FAM114A2: variants seen among roughly 807,000 people sequenced by gnomAD.
The protein encoded by FAM114A2 is protein FAM114A2.
A neutral mutation model predicts 58.4 loss-of-function variants in FAM114A2; 53 were observed. The ratio of observed to expected loss-of-function variants is 0.91; its 90% CI spans 0.73 to 1.14. FAM114A2 has a LOEUF of 1.14. Among genes scored for constraint, FAM114A2 ranks in the 50% most tolerant of loss-of-function variants. The pLI, the probability that FAM114A2 is intolerant of heterozygous loss-of-function variation, is 0.00. For missense variants in FAM114A2, 601 were observed against 581.1 expected (o/e 1.03, Z -0.35); for synonymous variants, 228 against 211.4 (o/e 1.08, Z -0.68).
At chr5:154,011,393 A>C (rs912019220) in intron 8 of FAM114A2, 73 bp from the exon 9 acceptor site, 2 of 929,878 alleles carry the variant, frequency 2.2e-6, no homozygotes, top group African/African-American at 3.3e-5. Flanking sequence ...GCGAGGAGGA[A>C]GAGGAGAGGA....
intron 8 of FAM114A2, among the ~76,000 whole-genome samples, chr5:154,019,750 T>C (rs763010648): frequency 6.6e-6 from 1 of 152,130 alleles, no homozygotes; most frequent in Non-Finnish European, 1.5e-5. Context: ...CCAACTGATC[T>C]TTCACAAAGC....
intron 11 of FAM114A2, among the ~76,000 whole-genome samples, chr5:153,998,860 A>G (rs1338926571): frequency 2.0e-5 from 3 of 152,242 alleles, no homozygotes; most frequent in African/African-American, 7.2e-5. Context: ...TGATGCTGGC[A>G]ATTCAGATAT....
chr5:154,006,715 G>A (rs999654608), intron 9 of FAM114A2, among the ~76,000 whole-genome samples: 8 of 151,212 alleles, frequency 5.3e-5, no homozygotes, highest in Non-Finnish European at 1.2e-4. Context: ...TAATTTATCA[G>A]AGATTAAAAA....
At chr5:154,006,796 ATT>A (rs11318237) in intron 9 of FAM114A2, among the ~76,000 whole-genome samples, 5,886 of 129,800 alleles carry the variant, frequency 0.045, 261 homozygotes, top group African/African-American at 0.12. Flanking sequence ...CCCAAAGGAG[ATT>A]TTTTTTTTTT....
At chr5:154,027,369 C>T in intron 6 of FAM114A2, 35 bp from the exon 7 acceptor site, 1 of 1,577,966 alleles carries the variant, frequency 6.3e-7, no homozygotes, top group Non-Finnish European at 8.6e-7. Context: ...CTGTAGCAAA[C>T]AATGAGAGCT....
At chr5:154,001,726 G>GA (rs1170196767) in intron 11 of FAM114A2, among the ~76,000 whole-genome samples, 1 of 151,972 alleles carries the variant, frequency 6.6e-6, no homozygotes, top group East Asian at 1.9e-4. Flanking sequence ...AATAAAATGA[G>GA]AAAAAAAGAA....
At chr5:154,031,983 T>C (rs540534145) in intron 4 of FAM114A2, among the ~76,000 whole-genome samples, 2 of 152,358 alleles carry the variant, frequency 1.3e-5, no homozygotes, top group African/African-American at 4.8e-5. Context: ...GTAGCTACTC[T>C]ACGTTTACTT....
At chr5:154,014,026 T>C (rs569569559) in intron 8 of FAM114A2, among the ~76,000 whole-genome samples, 1 of 152,320 alleles carries the variant, frequency 6.6e-6, no homozygotes, top group East Asian at 1.9e-4. Context: ...GCTTAGTAAA[T>C]GGCAGATCTT....
At chr5:154,021,233 G>A (rs973160401) in intron 8 of FAM114A2, among the ~76,000 whole-genome samples, 3 of 152,130 alleles carry the variant, frequency 2.0e-5, no homozygotes, top group Non-Finnish European at 4.4e-5. Context: ...TTGAAAACTG[G>A]CACAAGACAG....
chr5:154,031,638 CT>C (rs953916748), intron 4 of FAM114A2, among the ~76,000 whole-genome samples: 5 of 152,162 alleles, frequency 3.3e-5, no homozygotes, highest in Non-Finnish European at 7.3e-5. Flanking sequence ...AAACTTAACT[CT>C]ATATAACTTC....
At chr5:154,010,803 G>C (rs544584870) in intron 9 of FAM114A2, among the ~76,000 whole-genome samples, 1 of 152,144 alleles carries the variant, frequency 6.6e-6, no homozygotes, top group Non-Finnish European at 1.5e-5. Context: ...ACGCCAAATA[G>C]TCATTATCTG....
chr5:154,024,004 A>G (rs1771617653), intron 8 of FAM114A2, among the ~76,000 whole-genome samples: 1 of 152,192 alleles, frequency 6.6e-6, no homozygotes, highest in Non-Finnish European at 1.5e-5. Context: ...CATCTCAAAT[A>G]AAATTAGTTA....
chr5:154,008,618 A>C (rs1181644298), intron 9 of FAM114A2, among the ~76,000 whole-genome samples: 1 of 152,134 alleles, frequency 6.6e-6, no homozygotes, highest in African/African-American at 2.4e-5. Context: ...CATGAATATA[A>C]ATGAATTCTG....
intron 4 of FAM114A2, among the ~76,000 whole-genome samples, chr5:154,030,854 C>T (rs1000567270): frequency 2.0e-5 from 3 of 152,156 alleles, no homozygotes; most frequent in African/African-American, 7.2e-5. Flanking sequence ...CCAGAGCTCA[C>T]GCTAGGCTGA....
chr5:154,034,002 A>G (rs1232354530), intron 3 of FAM114A2, 119 bp from the exon 4 acceptor site: 3 of 698,120 alleles, frequency 4.3e-6, no homozygotes, highest in African/African-American at 1.8e-5. Context: ...TTGACAATAC[A>G]TAACTAATCT....
Position 153,998,425 on chromosome 5 carries a change from C to A in FAM114A2, c.1257-550G>T, listed in dbSNP as rs149393360. Among the ~76,000 whole-genome samples the A allele has an allele frequency of 3.3e-5, 5 of 152,248 alleles. No homozygotes were observed. The East Asian group carries it at 9.6e-4, about 29-fold the overall frequency. On this transcript the variant is annotated intron_variant, in intron 11 of 13. Transcript: ENST00000351797. ...AGGAGGTGGGACCAAGTGGTAGGTGCCCTCATGAACAGATTAATGCAATAT... is the reference window on the plus strand; with the variant it reads ...AGGAGGTGGGACCAAGTGGTAGGTGACCTCATGAACAGATTAATGCAATAT...
At chr5:154,006,953 C>A (rs964550249) in intron 9 of FAM114A2, among the ~76,000 whole-genome samples, 1 of 151,960 alleles carries the variant, frequency 6.6e-6, no homozygotes, top group African/African-American at 2.4e-5. Context: ...CCTGCCACTG[C>A]GCCTGACTAA....
At chr5:154,027,094 C>G in intron 7 of FAM114A2, 82 bp downstream of exon 7, 8 of 1,158,226 alleles carry the variant, frequency 6.9e-6, no homozygotes, top group Non-Finnish European at 9.8e-6. Context: ...CTTCATCTTC[C>G]AAATGTACAA....
intron 4 of FAM114A2, among the ~76,000 whole-genome samples, chr5:154,033,250 G>T (rs917315435): frequency 6.6e-6 from 1 of 152,218 alleles, no homozygotes; most frequent in African/African-American, 2.4e-5. Context: ...ACCAGGCCTT[G>T]AAAAGATTCC....
Sources: allele counts gnomAD v4.1 joint callset (sites outside exome capture counted in the v4.1 genomes callset), GRCh38; gene constraint gnomAD v4.1.1; transcripts MANE v1.5; gene names NCBI Gene and HGNC (gene_info 2026-07-23, HGNC 2026-07-21).